The following ELOVL7 variants were observed in gnomAD, a reference collection of about 807,000 sequenced individuals.
ELOVL7 encodes the protein very long chain fatty acid elongase 7.
In ELOVL7, 27 loss-of-function variants were observed where a neutral mutation model predicts 35.7. The observed-to-expected ratio is 0.76, with a 90% CI of 0.56 to 1.04. ELOVL7 has a LOEUF of 1.04. Among genes scored for constraint, ELOVL7 ranks in the 50% least tolerant of loss-of-function variants. The pLI is 0.00. For synonymous variants in ELOVL7, 113 were observed against 114.6 expected, an observed-to-expected ratio of 0.99 and a Z score of 0.09; for missense variants, 327 against 340.8, an observed-to-expected ratio of 0.96 and a Z score of 0.32.
At chr5:60,812,567 T>A (rs1427840961) in intron 1 of ELOVL7, among the ~76,000 whole-genome samples, 1 of 152,206 alleles carries the variant, frequency 6.6e-6, no homozygotes, top group Non-Finnish European at 1.5e-5. Flanking sequence ...CAGACTGTGA[T>A]TTAGCATGGC....
chr5:60,755,533 T>G (rs1015486055), intron 8 of ELOVL7, among the ~76,000 whole-genome samples: 2 of 152,178 alleles, frequency 1.3e-5, no homozygotes, highest in Non-Finnish European at 2.9e-5. Flanking sequence ...GGTACGCGCC[T>G]GTAGTCCCAG....
chr5:60,780,466 T>C (rs1019908148), intron 3 of ELOVL7, among the ~76,000 whole-genome samples: 1 of 152,084 alleles, frequency 6.6e-6, no homozygotes, highest in Admixed American at 6.5e-5. Context: ...TCCAAACTGC[T>C]CCAACCTCTG....
chr5:60,825,735 A>C (rs1253953099), intron 1 of ELOVL7, among the ~76,000 whole-genome samples: 1 of 152,250 alleles, frequency 6.6e-6, no homozygotes, highest in Non-Finnish European at 1.5e-5. Flanking sequence ...ACTGGAACAC[A>C]ATGGAACACC....
chr5:60,784,852 A>G (rs1189271275), intron 3 of ELOVL7, among the ~76,000 whole-genome samples: 3 of 152,190 alleles, frequency 2.0e-5, no homozygotes, highest in Non-Finnish European at 4.4e-5. Flanking sequence ...ATGCCTGGGA[A>G]AAAAATTATG....
At position 60,754,813 on chromosome 5, in the gene ELOVL7, G is replaced by A. The variant is rs1309599265; in HGVS notation, c.657C>T (p.Ala219=). The A allele has an allele frequency of 6.2e-7, 1 of 1,613,916 alleles. No individual in the cohort carries two copies. The highest frequency in any genetic ancestry group is 1.7e-5 in the Admixed American group (1 of 59,992). The change falls in exon 9 of 9, where the codon GCC becomes GCT. Residue 219 remains alanine, a synonymous_variant. Transcript: ENST00000508821. The stretch of plus-strand genomic sequence containing the variant: ...TGAAAAAGAACTGGCTTATGTGGAT[G>A]GCGACAATAACAAACTGGACCTAAG... ...SLQLVQFVIV[A]IHISQFFFME... is the part of the protein sequence containing the mutation.
chr5:60,837,325 G>C (rs1380659671), intron 1 of ELOVL7, among the ~76,000 whole-genome samples: 2 of 62,342 alleles, frequency 3.2e-5, no homozygotes, highest in East Asian at 5.2e-4. Flanking sequence ...TGGGGGGGGA[G>C]TGGGGGGTGG....
chr5:60,822,205 T>C (rs1745929859), intron 1 of ELOVL7, among the ~76,000 whole-genome samples: 1 of 152,202 alleles, frequency 6.6e-6, no homozygotes, highest in Non-Finnish European at 1.5e-5. Flanking sequence ...TGTAGGATAG[T>C]CAAATGCACT....
chr5:60,760,953 G>A (rs886958400), intron 7 of ELOVL7, among the ~76,000 whole-genome samples: 1 of 151,974 alleles, frequency 6.6e-6, no homozygotes, highest in Admixed American at 6.6e-5. Flanking sequence ...TGTTTAGTAA[G>A]GTTTACTGAT....
Position 60,778,884 on chromosome 5 carries a change from A to T in ELOVL7, c.65-6791T>A, listed in dbSNP as rs1743067523. On this transcript the variant is annotated intron_variant, in intron 3 of 8. Transcript: ENST00000508821. ...CCTATGAGCCTGTAAAATCAAAAGCAAGTTAGTTATTTTCCAGATACAATG... is the reference window on the plus strand; with the variant it reads ...CCTATGAGCCTGTAAAATCAAAAGCTAGTTAGTTATTTTCCAGATACAATG... 4.6e-5 allele frequency among the ~76,000 whole-genome samples: 7 copies of T among 152,338 alleles called. No individual in the cohort carries two copies. The South Asian group carries it at 1.4e-3, about 32-fold the overall frequency.
At position 60,752,472 on chromosome 5, in the gene ELOVL7, G is replaced by A. The variant is rs1460270978; in HGVS notation, c.*2152C>T. The A allele has an allele frequency of 5.3e-5, 8 of 152,354 alleles. No homozygotes were observed. The highest frequency in any genetic ancestry group is 1.0e-4 in the Non-Finnish European group (7 of 68,002). 9.4% of individuals were successfully genotyped at this position (152,354 alleles called of 1,614,324 possible). On this transcript the variant is annotated 3_prime_UTR_variant, in exon 9 of 9. Transcript: ENST00000508821. ...CCTCATTTTGGTCTCTATACTACTTGGGTTCTTTGGAAATGGTGTGATTTC... is the reference window on the plus strand; with the variant it reads ...CCTCATTTTGGTCTCTATACTACTTAGGTTCTTTGGAAATGGTGTGATTTC...
intron 8 of ELOVL7, among the ~76,000 whole-genome samples, chr5:60,755,089 A>G (rs1741457588): frequency 6.6e-6 from 1 of 152,208 alleles, no homozygotes; most frequent in African/African-American, 2.4e-5. Context: ...GGAGCTGTGC[A>G]GTGCAGCAAC....
At chr5:60,816,479 G>A (rs1265185842) in intron 1 of ELOVL7, among the ~76,000 whole-genome samples, 1 of 151,982 alleles carries the variant, frequency 6.6e-6, no homozygotes, top group East Asian at 1.9e-4. Context: ...AATAAGACAA[G>A]GTGAACTCCT....
rs1033015658 is a variant in ELOVL7 at position 60,754,457 on chromosome 5, G to C, written c.*167C>G. ...TGTAGGCTCTAATTATCAGAAGACT[G>C]TTATCTGGAAGCTTCGGGCTCTCAA... On this transcript the variant is annotated 3_prime_UTR_variant, in exon 9 of 9. Transcript: ENST00000508821. 9.2e-5 allele frequency: 58 copies of C among 631,056 alleles called. No individual in the cohort carries two copies. In the East Asian group the frequency reaches 1.6e-3, roughly 17 times the overall value. The allele number at this position is 631,056 out of a possible 1,614,324, so 39.1% of individuals were successfully genotyped here. A position where few individuals can be genotyped will look rare whatever the true frequency, so the allele number is the denominator to read the frequency against.
intron 1 of ELOVL7, among the ~76,000 whole-genome samples, chr5:60,811,220 T>C (rs1364814555): frequency 6.6e-6 from 1 of 152,198 alleles, no homozygotes; most frequent in Non-Finnish European, 1.5e-5. Flanking sequence ...ATTTGAACTA[T>C]GAACATTCAT....
At chr5:60,755,843 C>G (rs1741508709) in intron 8 of ELOVL7, among the ~76,000 whole-genome samples, 1 of 152,094 alleles carries the variant, frequency 6.6e-6, no homozygotes, top group African/African-American at 2.4e-5. Flanking sequence ...GATTAAAAAG[C>G]AATATGTGTT....
chr5:60,758,643 C>G (rs972924038), intron 7 of ELOVL7, among the ~76,000 whole-genome samples: 2 of 152,096 alleles, frequency 1.3e-5, no homozygotes, highest in African/African-American at 4.8e-5. Flanking sequence ...GCAAAGAACA[C>G]GTGGGAATGT....
At chr5:60,767,658 A>G (rs1322599874) in intron 5 of ELOVL7, among the ~76,000 whole-genome samples, 165 bp downstream of exon 5, 2 of 152,220 alleles carry the variant, frequency 1.3e-5, no homozygotes, top group Admixed American at 6.5e-5. Flanking sequence ...AAAATTATAC[A>G]TGTGATTTTT....
At chr5:60,776,987 G>T (rs1178167120) in intron 3 of ELOVL7, among the ~76,000 whole-genome samples, 1 of 152,016 alleles carries the variant, frequency 6.6e-6, no homozygotes, top group Non-Finnish European at 1.5e-5. Context: ...AATGGAAATA[G>T]GTAAATGTTA....
chr5:60,755,656 CAA>C (rs1042391610), intron 8 of ELOVL7, among the ~76,000 whole-genome samples: 2 of 144,118 alleles, frequency 1.4e-5, no homozygotes, highest in Non-Finnish European at 3.1e-5. Flanking sequence ...GATTCCATCT[CAA>C]AAAAAAAAAG....
Sources: allele counts gnomAD v4.1 joint callset (sites outside exome capture counted in the v4.1 genomes callset), GRCh38; gene constraint gnomAD v4.1.1; transcripts MANE v1.5; gene names NCBI Gene and HGNC (gene_info 2026-07-23, HGNC 2026-07-21).